CACTIN: variants seen among roughly 807,000 people sequenced by gnomAD.
CACTIN encodes the protein cactin, spliceosome C complex subunit, also known as splicing factor Cactin.
Under a neutral mutation model 84.9 loss-of-function variants are expected in CACTIN, and 20 were observed. The observed-to-expected ratio is 0.24, with a 90% CI of 0.17 to 0.34. The LOEUF is 0.34. CACTIN is among the 10% of genes least tolerant of loss of function. CACTIN has a pLI of 1.00. For missense variants in CACTIN, 897 were observed against 1,117.2 expected (o/e 0.80, Z 2.81); for synonymous variants, 549 against 467.9 (o/e 1.17, Z -2.24).
chr19:3,624,014 C>A lies in CACTIN; in HGVS notation c.316G>T (p.Ala106Ser), dbSNP rs374661733. 6.2e-7 allele frequency: 1 copy of A among 1,605,266 alleles called. No homozygotes were observed. The highest frequency in any genetic ancestry group is 8.5e-7 in the Non-Finnish European group (1 of 1,179,446). Residue 106 changes from alanine (A) to serine (S), a missense_variant, in exon 2 of 10, where the codon GCA (alanine) becomes TCA (serine). This residue lies in a region of CACTIN where 261 missense variants were observed against 243.8 expected (regional missense o/e 1.07). Coordinates refer to ENST00000429344, the MANE Select transcript of CACTIN (RefSeq NM_001080543.2). The stretch of plus-strand genomic sequence containing the variant: ...GAGGAGCTAGGAGACCACGAGCGTG[C>A]GCGCCGTCGCCGGCGAGCCCACTGG... ...RGQWARRRRR[A>S]RSWSPSSSAS...
chr19:3,619,628 C>T (rs1262715921), intron 4 of CACTIN, among the ~76,000 whole-genome samples: 1 of 152,130 alleles, frequency 6.6e-6, no homozygotes, highest in Non-Finnish European at 1.5e-5. Context: ...CCACCTCCTC[C>T]CCCAGGCAGA....
chr19:3,619,644 C>T lies in CACTIN; in HGVS notation c.885-402G>A, dbSNP rs147523061. 1.9e-3 allele frequency among the ~76,000 whole-genome samples: 290 copies of T among 152,234 alleles called. 1 individual carries two copies. The highest frequency in any genetic ancestry group is 6.2e-3 in the African/African-American group (259 of 41,530). ...CACCTCCTCCCCCAGGCAGACCACT[C>T]GGGGCAGAGAGCCGGGTTTCTGTTC... is the stretch of plus-strand genomic sequence containing the variant. On this transcript the variant is annotated intron_variant, in intron 4 of 9. Transcript: ENST00000429344.
chr19:3,618,724 C>A (rs1471694944), intron 6 of CACTIN, 151 bp downstream of exon 6: 2 of 644,440 alleles, frequency 3.1e-6, no homozygotes, highest in East Asian at 5.5e-5. Flanking sequence ...CCCGCTGCTG[C>A]CCCCTGGTGG....
At chr19:3,626,404 C>T (rs1322601812) in intron 1 of CACTIN, among the ~76,000 whole-genome samples, 192 bp downstream of exon 1, 1 of 152,256 alleles carries the variant, frequency 6.6e-6, no homozygotes, top group African/African-American at 2.4e-5. Flanking sequence ...CCGCCCGGTC[C>T]CCTGCCTGGA....
chr19:3,626,784 C>A lies in CACTIN; in HGVS notation c.-22G>T, dbSNP rs779340415. 7.4e-7 allele frequency: 1 copy of A among 1,356,716 alleles called. No individual in the cohort carries two copies. Among genetic ancestry groups the A allele is most frequent in the Non-Finnish European group, 9.5e-7 (1 of 1,052,216 alleles). The allele number at this position is 1,356,716 out of a possible 1,614,324, so 84.0% of individuals were successfully genotyped here. A position where few individuals can be genotyped will look rare whatever the true frequency, so the allele number is the denominator to read the frequency against. On this transcript the variant is annotated 5_prime_UTR_variant, in exon 1 of 10. Coordinates refer to ENST00000429344, the MANE Select transcript of CACTIN (RefSeq NM_001080543.2). ...CCATCGGCTGGGCCAGTGGCCGCGG[C>A]ACCAACACCAATAGCCGAAGCCTGC...
Position 3,620,983 on chromosome 19 carries a change from A to T in CACTIN, c.643-181T>A, listed in dbSNP as rs754038553. ...AAACCCAGTGCATCCAATTCAGTGC[A>T]GACATGGAGCCCCCACTGGGAGTGA... On this transcript the variant is annotated intron_variant, in intron 2 of 9. Transcript: ENST00000429344. The T allele has an allele frequency of 1.4e-5, 10 of 698,206 alleles. No individual in the cohort carries two copies. In the South Asian group the frequency reaches 1.5e-4, roughly 10 times the overall value. The allele number at this position is 698,206 out of a possible 1,614,324, so 43.3% of individuals were successfully genotyped here.
At chr19:3,613,004 CG>C in intron 9 of CACTIN, 53 bp downstream of exon 9, 2 of 1,493,750 alleles carry the variant, frequency 1.3e-6, no homozygotes, top group Non-Finnish European at 1.8e-6. Flanking sequence ...GGAGAAGCCC[CG>C]CCCCCAGCTC....
Position 3,613,121 on chromosome 19 carries a change from C to A in CACTIN, c.1723G>T (p.Val575Leu), listed in dbSNP as rs367932696. Reference sequence around the variant, plus strand: ...TGCAGGTCCTCATCCGGTTCCAGCACGTGCGCGTCCAGTGGCAGCTCGTGC... The same window carrying A: ...TGCAGGTCCTCATCCGGTTCCAGCAAGTGCGCGTCCAGTGGCAGCTCGTGC... Reference protein sequence around the residue: ...TAHELPLDAHVLEPDEDLQRL... With the variant: ...TAHELPLDAHLLEPDEDLQRL... The change falls in exon 9 of 10, where the codon GTG (valine) becomes TTG (leucine). Residue 575 changes from valine (V) to leucine (L), a missense_variant. Val to Leu is a conservative substitution (Grantham distance 32). Around this residue, in one of 8 missense-constraint regions of CACTIN, gnomAD observed 243 missense variants for 239.9 expected, o/e 1.01. Transcript: ENST00000429344. 3 of 1,605,936 alleles carry A rather than the reference C, an allele frequency of 1.9e-6. No individual in the cohort carries two copies. Among genetic ancestry groups the A allele is most frequent in the Non-Finnish European group, 2.5e-6 (3 of 1,178,582 alleles).
At position 3,611,583 on chromosome 19, in the gene CACTIN, T is replaced by C; in HGVS notation, c.*340A>G. On this transcript the variant is annotated 3_prime_UTR_variant, in exon 10 of 10. Transcript: ENST00000429344. ...CAGGCCCTGTGGGCCCCACCCAGCCTGGCTGAGGGGCGGTGGAGAGTGTCC... is the reference window on the plus strand; with the variant it reads ...CAGGCCCTGTGGGCCCCACCCAGCCCGGCTGAGGGGCGGTGGAGAGTGTCC... 8 of 386,200 alleles carry C rather than the reference T, an allele frequency of 2.1e-5. No individual in the cohort carries two copies. The highest frequency in any genetic ancestry group is 1.7e-4 in the South Asian group (8 of 48,330). 23.9% of individuals were successfully genotyped at this position (386,200 alleles called of 1,614,324 possible).
At chr19:3,619,702 G>A (rs2145327975) in intron 4 of CACTIN, among the ~76,000 whole-genome samples, 1 of 152,276 alleles carries the variant, frequency 6.6e-6, no homozygotes, top group East Asian at 1.9e-4. Flanking sequence ...TTGCAGGCGG[G>A]CCCTGGTCCA....
At chr19:3,612,509 C>T (rs373576230) in intron 9 of CACTIN, 96 bp from the exon 10 acceptor site, 2 of 1,448,842 alleles carry the variant, frequency 1.4e-6, no homozygotes, top group Non-Finnish European at 1.8e-6. Flanking sequence ...TGGTGCCTCC[C>T]GCAAAAGGAA....
Position 3,620,201 on chromosome 19 carries a change from G to A in CACTIN, c.810C>T (p.Arg270=), listed in dbSNP as rs376098400. 1.3e-4 allele frequency: 215 copies of A among 1,609,630 alleles called. No individual in the cohort carries two copies. The highest frequency in any genetic ancestry group is 8.7e-4 in the African/African-American group (65 of 74,998). ...MREQELEMLQ[R]EKEAEHFKTW... is the part of the protein sequence containing the mutation. Reference sequence around the variant, plus strand: ...TCTTGAAGTGCTCTGCCTCCTTCTCGCGCTGCAGCATCTCCAGCTCCTGCT... The same window carrying A: ...TCTTGAAGTGCTCTGCCTCCTTCTCACGCTGCAGCATCTCCAGCTCCTGCT... Residue 270 remains arginine, a synonymous_variant, in exon 4 of 10, where the codon CGC becomes CGT. Coordinates refer to ENST00000429344, the MANE Select transcript of CACTIN (RefSeq NM_001080543.2).
At chr19:3,621,429 G>A (rs942778475) in intron 2 of CACTIN, among the ~76,000 whole-genome samples, 3 of 152,200 alleles carry the variant, frequency 2.0e-5, no homozygotes, top group Admixed American at 6.5e-5. Context: ...CCTTCCTCAG[G>A]CTCCCGGTGC....
At chr19:3,614,844 C>T (rs2033069523) in intron 6 of CACTIN, 1 of 556,878 alleles carries the variant, frequency 1.8e-6, no homozygotes, top group Non-Finnish European at 3.2e-6. Flanking sequence ...GCCCAGGCCC[C>T]CAGCGTGGGG....
Position 3,613,069 on chromosome 19 carries a change from AGCTGCTGGC to A in CACTIN, c.1766_1774del (p.Arg589_Gln591del), listed in dbSNP as rs2033006455. ...AGCCCCGCCCTTACCCGTGACCTGG[AGCTGCTGGC>A]GCGAGAGCTGCAGGCGCTGCAGGTC... On this transcript the variant is annotated inframe_deletion, in exon 9 of 10. Coordinates refer to ENST00000429344, the MANE Select transcript of CACTIN (RefSeq NM_001080543.2). The A allele has an allele frequency of 6.9e-7, 1 of 1,442,626 alleles. No individual in the cohort carries two copies. The highest frequency in any genetic ancestry group is 1.9e-5 in the Admixed American group (1 of 51,922). The allele number at this position is 1,442,626 out of a possible 1,614,324, so 89.4% of individuals were successfully genotyped here. A position where few individuals can be genotyped will look rare whatever the true frequency, so the allele number is the denominator to read the frequency against.
Position 3,623,986 on chromosome 19 carries a change from G to C in CACTIN, c.344C>G (p.Ala115Gly), listed in dbSNP as rs1048684291. 1 of 1,605,010 alleles carries C rather than the reference G, an allele frequency of 6.2e-7. No individual in the cohort carries two copies. The highest frequency in any genetic ancestry group is 8.5e-7 in the Non-Finnish European group (1 of 1,179,018). ...RARSWSPSSS[A>G]SSSASPGRSQ... ...TCGCCCTGGAGACGCGGAGCTGGAT[G>C]CTGAGGAGCTAGGAGACCACGAGCG... The change falls in exon 2 of 10, where the codon GCA (alanine) becomes GGA (glycine). Residue 115 changes from alanine to glycine, a missense_variant. Ala to Gly is a moderately conservative substitution (Grantham distance 60, BLOSUM62 0). This residue lies in a region of CACTIN where 261 missense variants were observed against 243.8 expected (regional missense o/e 1.07). Transcript: ENST00000429344.
intron 9 of CACTIN, 24 bp from the exon 10 acceptor site, chr19:3,612,437 C>G: frequency 6.4e-7 from 1 of 1,553,128 alleles, no homozygotes; most frequent in Non-Finnish European, 8.7e-7. Context: ...GGCGTTCACC[C>G]GGGCCTCGGC....
intron 6 of CACTIN, 135 bp from the exon 7 acceptor site, chr19:3,614,724 G>A (rs974568318): frequency 3.3e-5 from 23 of 702,350 alleles, no homozygotes; most frequent in South Asian, 3.4e-5. Context: ...ATCCAGTCCC[G>A]CCACCTCCCT....
At chr19:3,614,268 C>T (rs2033053845) in intron 7 of CACTIN, 129 bp downstream of exon 7, 1 of 1,000,236 alleles carries the variant, frequency 1.0e-6, no homozygotes, top group African/African-American at 1.6e-5. Context: ...CCAGTCGGCA[C>T]TTTCCTGCCC....
Sources: allele counts gnomAD v4.1 joint callset (sites outside exome capture counted in the v4.1 genomes callset), GRCh38; gene constraint gnomAD v4.1.1; regional missense constraint gnomAD v4.1.1; transcripts MANE v1.5; gene names NCBI Gene and HGNC (gene_info 2026-07-23, HGNC 2026-07-21).